Variants in SPATA31D1 observed in about 807,000 individuals in gnomAD.
SPATA31D1 encodes the protein SPATA31 subfamily D member 1.
SPATA31D1 carries 6 observed loss-of-function variants against 13.2 expected under a neutral mutation model. The observed-to-expected ratio is 0.46, with a 90% confidence interval of 0.25 to 0.90. SPATA31D1 has a LOEUF of 0.90. SPATA31D1 is among the 40% of genes least tolerant of loss of function. SPATA31D1 has a pLI of 0.18. For synonymous variants in SPATA31D1, 903 were observed against 718.8 expected (o/e 1.26, Z -4.10); for missense variants, 2,445 against 1,884.7 (o/e 1.30, Z -5.50).
At position 81,990,460 on chromosome 9, in the gene SPATA31D1, A is replaced by C; in HGVS notation, c.276A>C (p.Glu92Asp). 6.2e-7 allele frequency: 1 copy of C among 1,608,624 alleles called. No individual in the cohort carries two copies. The highest frequency in any genetic ancestry group is 1.1e-5 in the South Asian group (1 of 89,576). The change falls in exon 3 of 4, where the codon GAA (glutamate) becomes GAC (aspartate). Residue 92 changes from glutamate to aspartate, a missense_variant. Transcript: ENST00000344803. ...GTTTCCAGAGAGAAGAGGAAGAGGA[A>C]AGGAAGCTGCTTTCTCTTCTGAAAA... Reference protein sequence around the residue: ...WKSFQREEEEERKLLSLLKSF... With the variant: ...WKSFQREEEEDRKLLSLLKSF...
Position 81,991,863 on chromosome 9 carries a change from G to A in SPATA31D1, c.1393G>A (p.Ala465Thr). 6.2e-7 allele frequency: 1 copy of A among 1,613,744 alleles called. No individual in the cohort carries two copies. Residue 465 changes from alanine to threonine, a missense_variant, in exon 4 of 4, where the codon GCA becomes ACA. Physicochemically the swap from Ala to Thr is moderately conservative, Grantham distance 58. Coordinates refer to ENST00000344803, the MANE Select transcript of SPATA31D1 (RefSeq NM_001001670.3). ...LTSIAVKHDLAESFPFWASKG... is the reference protein window; with the variant it reads ...LTSIAVKHDLTESFPFWASKG... ...CTCAATTGCTGTTAAGCATGACTTG[G>A]CAGAATCCTTTCCTTTTTGGGCCAG...
Position 81,992,094 on chromosome 9 carries a change from C to T in SPATA31D1, c.1624C>T (p.His542Tyr). 6.2e-7 allele frequency: 1 copy of T among 1,613,722 alleles called. No homozygotes were observed. Residue 542 changes from histidine (H) to tyrosine (Y), a missense_variant, in exon 4 of 4, where the codon CAT becomes TAT. Transcript: ENST00000344803. Reference sequence around the variant, plus strand: ...TGGCATTACAAATACATCTATATCCCATGAATCCCCAGTACTTCCCCCTCC... The same window carrying T: ...TGGCATTACAAATACATCTATATCCTATGAATCCCCAGTACTTCCCCCTCC... ...FNGITNTSIS[H>Y]ESPVLPPPQP...
chr9:81,989,813 G>A lies in SPATA31D1; in HGVS notation c.222G>A (p.Gly74=), dbSNP rs1267631080. Residue 74 remains glycine (G), a synonymous_variant, in exon 2 of 4, where the codon GGG becomes GGA. Coordinates refer to ENST00000344803, the MANE Select transcript of SPATA31D1 (RefSeq NM_001001670.3). ...QGRAKRRRKG[G]TFKGFPDWKS... ...GAGCCAAGAGGAGAAGGAAAGGTGG[G>A]ACATTCAAAGGTAATGTCAGCCTGC... 21 of 1,613,714 alleles carry A rather than the reference G, an allele frequency of 1.3e-5. No individual in the cohort carries two copies. The highest frequency in any genetic ancestry group is 1.7e-5 in the Non-Finnish European group (20 of 1,179,712).
In SPATA31D1 at chr9:81,993,745, C is replaced by T. The variant is rs750392201; in HGVS notation, c.3275C>T (p.Pro1092Leu). Reference protein sequence around the residue: ...TEDGRQTFLPPPHSIVDEVSQ... With the variant: ...TEDGRQTFLPLPHSIVDEVSQ... ...GATGGCAGACAGACTTTTCTGCCCC[C>T]GCCACACAGCATCGTAGACGAAGTC... The change falls in exon 4 of 4, where the codon CCG becomes CTG. Residue 1092 changes from proline (P) to leucine (L), a missense_variant. Pro to Leu is a moderately conservative substitution (Grantham distance 98). Coordinates refer to ENST00000344803, the MANE Select transcript of SPATA31D1 (RefSeq NM_001001670.3). 1.2e-5 allele frequency: 19 copies of T among 1,613,844 alleles called. No homozygotes were observed. The African/African-American group carries it at 1.6e-4, about 14-fold the overall frequency.
chr9:81,988,822 G>A lies in SPATA31D1; in HGVS notation c.4G>A (p.Glu2Lys), dbSNP rs1387527818. 1 of 1,612,366 alleles carries A rather than the reference G, an allele frequency of 6.2e-7. No individual in the cohort carries two copies. Among genetic ancestry groups the A allele is most frequent in the African/African-American group, 1.3e-5 (1 of 74,872 alleles). Residue 2 changes from glutamate (E) to lysine (K), a missense_variant, in exon 1 of 4, where the codon GAG becomes AAG. Transcript: ENST00000344803. M[E>K]NILCFLNSYT... ...AGGCAGCTGAGCTATTCAGACCATG[G>A]AGAATATCCTCTGTTTTCTGAACAG...
chr9:81,991,849 T>C lies in SPATA31D1; in HGVS notation c.1379T>C (p.Val460Ala). 6.2e-7 allele frequency: 1 copy of C among 1,613,842 alleles called. No homozygotes were observed. Among genetic ancestry groups the C allele is most frequent in the Non-Finnish European group, 8.5e-7 (1 of 1,179,732 alleles). ...CGGAATATGTTAACCTCAATTGCTG[T>C]TAAGCATGACTTGGCAGAATCCTTT... is the stretch of plus-strand genomic sequence containing the variant. ...SSRNMLTSIA[V>A]KHDLAESFPF... Residue 460 changes from valine (V) to alanine (A), a missense_variant, in exon 4 of 4, where the codon GTT (valine) becomes GCT (alanine). Coordinates refer to ENST00000344803, the MANE Select transcript of SPATA31D1 (RefSeq NM_001001670.3).
chr9:81,994,730 G>A lies in SPATA31D1; in HGVS notation c.4260G>A (p.Arg1420=), dbSNP rs1202033724. The A allele has an allele frequency of 1.9e-6, 3 of 1,613,780 alleles. No homozygotes were observed. Among genetic ancestry groups the A allele is most frequent in the Admixed American group, 3.3e-5 (2 of 59,990 alleles). The change falls in exon 4 of 4, where the codon AGG becomes AGA. Residue 1420 remains arginine (R), a synonymous_variant. Coordinates refer to ENST00000344803, the MANE Select transcript of SPATA31D1 (RefSeq NM_001001670.3). The part of the protein sequence containing the change: ...REFLEEKLGH[R]HGIDITCPQE... ...TCCTAGAAGAGAAGCTGGGGCATAG[G>A]CATGGGATAGATATCACCTGTCCCC...
chr9:81,993,449 C>T lies in SPATA31D1; in HGVS notation c.2979C>T (p.Val993=), dbSNP rs375539457. 5.1e-5 allele frequency: 82 copies of T among 1,613,706 alleles called. No individual in the cohort carries two copies. Among genetic ancestry groups the T allele is most frequent in the Non-Finnish European group, 5.8e-5 (68 of 1,179,844 alleles). Residue 993 remains valine (V), a synonymous_variant, in exon 4 of 4, where the codon GTC becomes GTT. Transcript: ENST00000344803. ...GTCCTCACCCTGTCTCCTCACCTGT[C>T]GTCCAAGAAGGGCAGGGGACCCTGA... is the stretch of plus-strand genomic sequence containing the variant. ...LDRPHPVSSP[V]VQEGQGTLRR...
chr9:81,992,898 A>G lies in SPATA31D1; in HGVS notation c.2428A>G (p.Met810Val), dbSNP rs1471758638. The G allele has an allele frequency of 2.5e-6, 4 of 1,613,698 alleles. No homozygotes were observed. Among genetic ancestry groups the G allele is most frequent in the Non-Finnish European group, 3.4e-6 (4 of 1,179,738 alleles). The change falls in exon 4 of 4, where the codon ATG becomes GTG. Residue 810 changes from methionine (M) to valine (V), a missense_variant. Met to Val is a conservative substitution (Grantham distance 21, BLOSUM62 1). Transcript: ENST00000344803. The part of the protein sequence containing the change: ...NSERDLETHM[M>V]HLSGNDSGVR... The stretch of plus-strand genomic sequence containing the variant: ...TGAGAGAGACCTAGAAACTCATATG[A>G]TGCATCTGTCAGGGAATGACTCAGG...
rs201851029 is a variant in SPATA31D1 at position 81,994,942 on chromosome 9, A to G, written c.4472A>G (p.Gln1491Arg). Residue 1491 changes from glutamine to arginine, a missense_variant, in exon 4 of 4, where the codon CAG becomes CGG. Physicochemically the swap from Gln to Arg is conservative, Grantham distance 43. Coordinates refer to ENST00000344803, the MANE Select transcript of SPATA31D1 (RefSeq NM_001001670.3). Reference protein sequence around the residue: ...VGQNYPTRIRQIIDKDRQPQK... With the variant: ...VGQNYPTRIRRIIDKDRQPQK... ...CAGAATTATCCTACAAGGATTAGAC[A>G]GATCATAGACAAGGACAGACAGCCC... 1.4e-4 allele frequency: 222 copies of G among 1,613,990 alleles called. 1 individual carries two copies. The African/African-American group carries it at 2.5e-3, about 18-fold the overall frequency.
chr9:81,990,673 G>T, intron 3 of SPATA31D1, 100 bp from the exon 4 acceptor site: 1 of 1,460,058 alleles, frequency 6.8e-7, no homozygotes, highest in Non-Finnish European at 9.3e-7. Flanking sequence ...ATACGGTGAG[G>T]TCCTGGGTTG....
chr9:81,992,698 A>G lies in SPATA31D1; in HGVS notation c.2228A>G (p.Asn743Ser), dbSNP rs774576065. The change falls in exon 4 of 4, where the codon AAT becomes AGT. Residue 743 changes from asparagine (N) to serine (S), a missense_variant. Physicochemically the swap from Asn to Ser is conservative, Grantham distance 46. Transcript: ENST00000344803. ...NISLVEGQRC[N>S]VLKKSASSFP... ...TCTTTGGTTGAGGGTCAGAGGTGCA[A>G]TGTTCTAAAGAAGTCCGCATCAAGC... 1 of 1,613,806 alleles carries G rather than the reference A, an allele frequency of 6.2e-7. No homozygotes were observed.
Position 81,994,600 on chromosome 9 carries a change from A to G in SPATA31D1, c.4130A>G (p.Lys1377Arg). ...GAAGAACAAGAAAGTTCCTGGGAAA[A>G]GGGTAGCTCCCTGTCATCATGTGTG... ...SYEEQESSWE[K>R]GSSLSSCVQN... Residue 1377 changes from lysine (K) to arginine (R), a missense_variant, in exon 4 of 4, where the codon AAG becomes AGG. Physicochemically the swap from Lys to Arg is conservative, Grantham distance 26. Coordinates refer to ENST00000344803, the MANE Select transcript of SPATA31D1 (RefSeq NM_001001670.3). 8 of 1,613,020 alleles carry G rather than the reference A, an allele frequency of 5.0e-6. No individual in the cohort carries two copies. Among genetic ancestry groups the G allele is most frequent in the Non-Finnish European group, 6.8e-6 (8 of 1,179,422 alleles).
chr9:81,993,800 A>G lies in SPATA31D1; in HGVS notation c.3330A>G (p.Arg1110=), dbSNP rs1378165596. ...AGAAACAGACTGTACTGGCCAGTAG[A>G]TGCAGCGCAGAGCTGCCCATAATGC... The part of the protein sequence containing the change: ...VSQKQTVLAS[R]CSAELPIMQA... Residue 1110 remains arginine, a synonymous_variant, in exon 4 of 4, where the codon AGA becomes AGG. Coordinates refer to ENST00000344803, the MANE Select transcript of SPATA31D1 (RefSeq NM_001001670.3). 1 of 1,614,034 alleles carries G rather than the reference A, an allele frequency of 6.2e-7. No individual in the cohort carries two copies. The highest frequency in any genetic ancestry group is 1.1e-5 in the South Asian group (1 of 91,090).
chr9:81,989,482 C>T (rs1277079767), intron 1 of SPATA31D1, among the ~76,000 whole-genome samples: 4 of 152,288 alleles, frequency 2.6e-5, no homozygotes, highest in South Asian at 2.1e-4. Context: ...ACACTTGTCC[C>T]ATGAGGGAGC....
At chr9:81,989,959 C>T (rs1824918953) in intron 2 of SPATA31D1, 136 bp downstream of exon 2, 3 of 977,176 alleles carry the variant, frequency 3.1e-6, no homozygotes, top group South Asian at 1.7e-5. Context: ...AAGACAGGCT[C>T]ATGGGAAAGC....
chr9:81,991,058 C>G lies in SPATA31D1; in HGVS notation c.588C>G (p.Pro196=), dbSNP rs958401330. The G allele has an allele frequency of 5.6e-6, 9 of 1,613,612 alleles. No homozygotes were observed. In the Admixed American group the frequency reaches 6.7e-5, roughly 12 times the overall value. ...LSPRPKASPP[P]PLILSPDLIT... is the part of the protein sequence containing the mutation. Reference sequence around the variant, plus strand: ...CTCGGCCTAAGGCCTCTCCACCACCCCCCTTAATTCTCTCACCTGACCTGA... The same window carrying G: ...CTCGGCCTAAGGCCTCTCCACCACCGCCCTTAATTCTCTCACCTGACCTGA... Residue 196 remains proline (P), a synonymous_variant, in exon 4 of 4, where the codon CCC becomes CCG. Transcript: ENST00000344803.
upstream of SPATA31D1, among the ~76,000 whole-genome samples, chr9:81,988,272 A>G (rs1360454898): frequency 4.6e-5 from 7 of 152,234 alleles, no homozygotes; most frequent in African/African-American, 1.4e-4. Flanking sequence ...GTAAAAACTG[A>G]CTTCAAAACA....
Position 81,992,354 on chromosome 9 carries a change from G to C in SPATA31D1, c.1884G>C (p.Val628=). The C allele has an allele frequency of 6.2e-7, 1 of 1,613,838 alleles. No individual in the cohort carries two copies. Among genetic ancestry groups the C allele is most frequent in the Non-Finnish European group, 8.5e-7 (1 of 1,179,736 alleles). Residue 628 remains valine (V), a synonymous_variant, in exon 4 of 4, where the codon GTG becomes GTC. Transcript: ENST00000344803. ...PSEINHLEWN[V]LQKVQESLWG... is the part of the protein sequence containing the mutation. ...AAATTAACCATCTGGAGTGGAACGT[G>C]TTGCAGAAAGTGCAGGAAAGTTTGT... is the stretch of plus-strand genomic sequence containing the variant.
Sources: gnomAD v4.1 joint callset for allele counts (sites outside exome capture counted in the v4.1 genomes callset) on GRCh38, gnomAD v4.1.1 for gene constraint, MANE v1.5 for transcripts, NCBI Gene and HGNC (gene_info 2026-07-23, HGNC 2026-07-21) for gene names.